The following CDH12 variants were observed in gnomAD, a reference collection of about 807,000 sequenced individuals.
The protein encoded by CDH12 is cadherin-12.
CDH12 carries 41 observed loss-of-function variants against 74.1 expected under a neutral mutation model. That is an observed-to-expected ratio of 0.55 (90% CI 0.43 to 0.72). The LOEUF (loss-of-function observed/expected upper bound fraction) is 0.72. Ranked by LOEUF, CDH12 falls within the 30% of genes least tolerant of loss-of-function variation. The probability of loss-of-function intolerance (pLI) is 0.00; values close to 1 mark genes in which losing one functional copy is unlikely to be tolerated. For synonymous variants in CDH12, 399 were observed against 355.0 expected (o/e 1.12, Z -1.39); for missense variants, 945 against 977.2 (o/e 0.97, Z 0.44).
intron 3 of CDH12, among the ~76,000 whole-genome samples, chr5:22,392,086 C>G (rs960603976): frequency 2.0e-5 from 3 of 152,184 alleles, no homozygotes; most frequent in Non-Finnish European, 4.4e-5. Flanking sequence ...GGTAACACTT[C>G]AGGCTTCCTG....
intron 2 of CDH12, among the ~76,000 whole-genome samples, chr5:22,425,832 A>T (rs746648553): frequency 5.3e-5 from 8 of 152,216 alleles, no homozygotes; most frequent in Non-Finnish European, 1.0e-4. Flanking sequence ...CACACCACTA[A>T]GTATGCTGTA....
At chr5:21,808,730 G>A (rs896094028) in intron 9 of CDH12, among the ~76,000 whole-genome samples, 3 of 151,974 alleles carry the variant, frequency 2.0e-5, no homozygotes, top group Admixed American at 2.0e-4. Context: ...GATCAATATA[G>A]TAGTCAATTC....
At chr5:22,249,466 A>C (rs2150386419) in intron 3 of CDH12, among the ~76,000 whole-genome samples, 1 of 152,302 alleles carries the variant, frequency 6.6e-6, no homozygotes, top group East Asian at 1.9e-4. Context: ...AGGTTTACAA[A>C]GCAAGATCTG....
chr5:21,948,774 A>G (rs1176241869), intron 6 of CDH12, among the ~76,000 whole-genome samples: 2 of 152,194 alleles, frequency 1.3e-5, no homozygotes, highest in Non-Finnish European at 2.9e-5. Context: ...TGTAATCTTC[A>G]TAATACCCAT....
At position 22,848,518 on chromosome 5, in the gene CDH12, G is replaced by A. The variant is rs182976845; in HGVS notation, c.-523+4540C>T. Among the ~76,000 whole-genome samples the A allele has an allele frequency of 3.3e-5, 5 of 152,116 alleles. No homozygotes were observed. In the East Asian group the frequency reaches 7.7e-4, roughly 24 times the overall value. On this transcript the variant is annotated intron_variant, in intron 1 of 14. Coordinates refer to ENST00000382254, the MANE Select transcript of CDH12 (RefSeq NM_004061.5). ...ATTTGTAATATTATTGTTCATACAC[G>A]ATCAAAGTTTGTTACCCACACCCCC...
At chr5:22,545,016 A>T (rs930473038) in intron 1 of CDH12, among the ~76,000 whole-genome samples, 60 of 152,190 alleles carry the variant, frequency 3.9e-4, no homozygotes, top group African/African-American at 1.4e-3. Context: ...GTACACATAC[A>T]AAACACAACA....
At chr5:22,706,711 T>C (rs1743026643) in intron 1 of CDH12, among the ~76,000 whole-genome samples, 1 of 152,142 alleles carries the variant, frequency 6.6e-6, no homozygotes, top group Non-Finnish European at 1.5e-5. Context: ...AGAATGAACA[T>C]CTTTGTATAT....
rs1010781782 is a variant in CDH12, at chr5:22,342,353, G to T, written c.-333+62904C>A. Among the ~76,000 whole-genome samples, 81 of 152,110 alleles carry T rather than the reference G, an allele frequency of 5.3e-4. 5 individuals carry two copies. ...GTATAACTCTCAGAAACCATAGAAT[G>T]TATCTAGAGATTTGAGGAGAATTAT... On this transcript the variant is annotated intron_variant, in intron 3 of 14. Coordinates refer to ENST00000382254, the MANE Select transcript of CDH12 (RefSeq NM_004061.5).
intron 3 of CDH12, among the ~76,000 whole-genome samples, chr5:22,229,980 A>T (rs1029560043): frequency 1.3e-5 from 2 of 152,146 alleles, no homozygotes; most frequent in South Asian, 4.1e-4. Context: ...GTGAAAAATG[A>T]CGTCTATTAA....
At chr5:22,475,888 T>C (rs1212771920) in intron 2 of CDH12, among the ~76,000 whole-genome samples, 2 of 152,060 alleles carry the variant, frequency 1.3e-5, no homozygotes, top group Non-Finnish European at 2.9e-5. Flanking sequence ...ATTTCATAAA[T>C]CACTCACAAA....
intron 2 of CDH12, among the ~76,000 whole-genome samples, chr5:22,503,648 A>G (rs1045780044): frequency 3.3e-5 from 5 of 152,112 alleles, no homozygotes; most frequent in Admixed American, 6.6e-5. Context: ...CTTTAAATTA[A>G]TCCTTTCTCA....
At chr5:22,145,584 T>C (rs1291412764) in intron 4 of CDH12, among the ~76,000 whole-genome samples, 3 of 152,054 alleles carry the variant, frequency 2.0e-5, no homozygotes, top group Non-Finnish European at 4.4e-5. Context: ...ACACAATATA[T>C]CAATTTTTTA....
intron 1 of CDH12, among the ~76,000 whole-genome samples, chr5:22,601,134 C>T (rs913618431): frequency 6.6e-6 from 1 of 151,964 alleles, no homozygotes; most frequent in African/African-American, 2.4e-5. Flanking sequence ...TTAAGAAAAA[C>T]AAACCAACAT....
intron 3 of CDH12, among the ~76,000 whole-genome samples, chr5:22,334,429 C>T (rs1739482852): frequency 6.6e-6 from 1 of 151,980 alleles, no homozygotes; most frequent in African/African-American, 2.4e-5. Flanking sequence ...GTCCATACTA[C>T]CCAAAGCAAT....
At chr5:21,981,423 G>A (rs1757301171) in intron 5 of CDH12, among the ~76,000 whole-genome samples, 1 of 151,762 alleles carries the variant, frequency 6.6e-6, no homozygotes, top group South Asian at 2.1e-4. Context: ...TTGTCTATCT[G>A]TTAACCCAGC....
At chr5:22,023,789 A>T (rs551858096) in intron 5 of CDH12, among the ~76,000 whole-genome samples, 6 of 152,178 alleles carry the variant, frequency 3.9e-5, no homozygotes, top group Non-Finnish European at 8.8e-5. Flanking sequence ...CAATGGCTTA[A>T]CTCACACTAA....
intron 1 of CDH12, among the ~76,000 whole-genome samples, chr5:22,743,642 G>A (rs1463062404): frequency 6.6e-6 from 1 of 151,986 alleles, no homozygotes; most frequent in Non-Finnish European, 1.5e-5. Flanking sequence ...ATAGTTCCCA[G>A]GAGTTACACA....
At chr5:22,760,994 G>A (rs1400646201) in intron 1 of CDH12, among the ~76,000 whole-genome samples, 2 of 152,240 alleles carry the variant, frequency 1.3e-5, no homozygotes, top group South Asian at 2.1e-4. Context: ...GCAAATATCA[G>A]TTGTTTGAGC....
chr5:22,476,192 G>A (rs917360395), intron 2 of CDH12, among the ~76,000 whole-genome samples: 1 of 151,810 alleles, frequency 6.6e-6, no homozygotes, highest in Non-Finnish European at 1.5e-5. Flanking sequence ...TTTCATTAAC[G>A]TTGATATTAA....
Sources: gnomAD v4.1 joint callset for allele counts (sites outside exome capture counted in the v4.1 genomes callset) on GRCh38, gnomAD v4.1.1 for gene constraint, MANE v1.5 for transcripts, NCBI Gene and HGNC (gene_info 2026-07-23, HGNC 2026-07-21) for gene names.